Variants in PKIB observed in about 807,000 individuals in gnomAD.
The protein encoded by PKIB is cAMP-dependent protein kinase inhibitor beta.
A neutral mutation model predicts 4.5 loss-of-function variants in PKIB; 2 were observed. That is an observed-to-expected ratio of 0.44 (90% CI 0.18 to 1.39). The LOEUF (loss-of-function observed/expected upper bound fraction) is 1.39, where lower values mean the gene tolerates loss of function less well. PKIB is among the 40% of genes most tolerant of loss of function. The pLI, the probability that PKIB is intolerant of heterozygous loss-of-function variation, is 0.27. For missense variants in PKIB, 94 were observed against 92.6 expected (o/e 1.02, Z -0.06); for synonymous variants, 38 against 36.0 (o/e 1.06, Z -0.20).
intron 2 of PKIB, among the ~76,000 whole-genome samples, chr6:122,647,477 C>A (rs1041347044): frequency 1.1e-4 from 16 of 152,114 alleles, no homozygotes; most frequent in African/African-American, 3.4e-4. Flanking sequence ...TATTTAATCT[C>A]AAAATAAAGA....
At chr6:122,702,762 GT>G (rs1562310658) in intron 3 of PKIB, among the ~76,000 whole-genome samples, 3 of 152,086 alleles carry the variant, frequency 2.0e-5, no homozygotes, top group Non-Finnish European at 4.4e-5. Flanking sequence ...GGAATTTTTC[GT>G]AGAGAATTTT....
intron 3 of PKIB, among the ~76,000 whole-genome samples, chr6:122,682,463 A>C (rs1582807820): frequency 6.6e-6 from 1 of 152,322 alleles, no homozygotes; most frequent in South Asian, 2.1e-4. Flanking sequence ...TAAAGTATTT[A>C]ATTCACAAAA....
chr6:122,536,370 AT>A (rs1465329392), intron 2 of PKIB, among the ~76,000 whole-genome samples: 2 of 152,222 alleles, frequency 1.3e-5, no homozygotes, highest in African/African-American at 2.4e-5. Context: ...ATAATTGGTA[AT>A]CAGCTCTAAT....
intron 3 of PKIB, among the ~76,000 whole-genome samples, chr6:122,708,186 A>G (rs2115046088): frequency 6.6e-6 from 1 of 152,290 alleles, no homozygotes; most frequent in East Asian, 1.9e-4. Flanking sequence ...AGTAAGTGCT[A>G]AGAGAAAGTA....
At chr6:122,724,805 T>C (rs929185233) in intron 4 of PKIB, among the ~76,000 whole-genome samples, 2 of 152,180 alleles carry the variant, frequency 1.3e-5, no homozygotes, top group Non-Finnish European at 2.9e-5. Flanking sequence ...CAAGCTCAAG[T>C]TGTGACTGTC....
Position 122,537,697 on chromosome 6 carries a change from A to T in PKIB, c.-247-48224A>T, listed in dbSNP as rs118185342. Among the ~76,000 whole-genome samples, 335 of 152,258 alleles carry T rather than the reference A, an allele frequency of 2.2e-3. 8 individuals are homozygous for T. In the East Asian group the frequency reaches 0.044, roughly 20 times the overall value. On this transcript the variant is annotated intron_variant, in intron 2 of 6. Transcript: ENST00000392491. ...ATAATCCTTTGGGTATATACCCGTA[A>T]GGGGATGGCTGGGTCAAAGGGTATT...
intron 2 of PKIB, among the ~76,000 whole-genome samples, chr6:122,666,078 A>T (rs1024846628): frequency 6.6e-6 from 1 of 152,180 alleles, no homozygotes; most frequent in Admixed American, 6.5e-5. Context: ...TCATATAGCT[A>T]TTATGTTCTA....
intron 2 of PKIB, among the ~76,000 whole-genome samples, chr6:122,552,167 G>A (rs1293144318): frequency 6.6e-6 from 1 of 152,082 alleles, no homozygotes; most frequent in African/African-American, 2.4e-5. Context: ...GAGATACACC[G>A]CAGAAGGAAG....
chr6:122,510,016 G>C (rs947068421), intron 2 of PKIB, among the ~76,000 whole-genome samples: 2 of 150,248 alleles, frequency 1.3e-5, no homozygotes, highest in African/African-American at 5.0e-5. Context: ...ATTAGATATA[G>C]TATAAGTAGG....
intron 1 of PKIB, among the ~76,000 whole-genome samples, chr6:122,612,572 T>C (rs779030170): frequency 8.5e-5 from 13 of 152,204 alleles, no homozygotes; most frequent in Non-Finnish European, 1.5e-4. Flanking sequence ...TTATGGCTTC[T>C]CTTACTTAGC....
At chr6:122,573,521 C>CA (rs61014475) in intron 2 of PKIB, among the ~76,000 whole-genome samples, 1,414 of 87,132 alleles carry the variant, frequency 0.016, 18 homozygotes, top group South Asian at 0.049. Context: ...GACTCTGTCT[C>CA]AAAAAAAAAA....
intron 3 of PKIB, among the ~76,000 whole-genome samples, chr6:122,697,428 G>A (rs1354663421): frequency 6.6e-6 from 1 of 151,632 alleles, no homozygotes; most frequent in Admixed American, 6.6e-5. Flanking sequence ...ATTAGGAGAT[G>A]TGCCTTCCTA....
At chr6:122,658,893 C>G (rs111864214) in intron 2 of PKIB, among the ~76,000 whole-genome samples, 131 of 137,142 alleles carry the variant, frequency 9.6e-4, no homozygotes, top group African/African-American at 3.7e-3. Flanking sequence ...ATCTGCCAGG[C>G]ACTCCTCTAG....
intron 2 of PKIB, among the ~76,000 whole-genome samples, chr6:122,638,963 G>A (rs1015556624): frequency 2.6e-5 from 4 of 151,846 alleles, no homozygotes; most frequent in African/African-American, 9.7e-5. Flanking sequence ...TTTTAAACAT[G>A]TATCTTTATT....
At chr6:122,596,638 C>G (rs1048658918) in intron 3 of PKIB, among the ~76,000 whole-genome samples, 1 of 152,176 alleles carries the variant, frequency 6.6e-6, no homozygotes, top group Non-Finnish European at 1.5e-5. Context: ...AGCTCTCTCT[C>G]AAAAGGAGAC....
chr6:122,674,769 G>C (rs1777605661), intron 2 of PKIB, among the ~76,000 whole-genome samples: 1 of 151,994 alleles, frequency 6.6e-6, no homozygotes, highest in South Asian at 2.1e-4. Context: ...GTAATGATCA[G>C]TTGTTTTTAC....
intron 2 of PKIB, among the ~76,000 whole-genome samples, chr6:122,486,319 T>C (rs1775766160): frequency 6.6e-6 from 1 of 152,184 alleles, no homozygotes; most frequent in African/African-American, 2.4e-5. Context: ...TATTGTTATC[T>C]TTCTTTCAGA....
chr6:122,540,634 G>T (rs1390484724), intron 2 of PKIB, among the ~76,000 whole-genome samples: 1 of 151,896 alleles, frequency 6.6e-6, no homozygotes, highest in Non-Finnish European at 1.5e-5. Context: ...GTGTGGTGTG[G>T]TGCTGAAAAA....
chr6:122,656,671 G>C (rs1776788189), intron 2 of PKIB, among the ~76,000 whole-genome samples: 1 of 152,166 alleles, frequency 6.6e-6, no homozygotes, highest in Non-Finnish European at 1.5e-5. Context: ...GTTGATGGGG[G>C]TGTCAGGTGT....
Sources: allele counts gnomAD v4.1 joint callset (sites outside exome capture counted in the v4.1 genomes callset), GRCh38; gene constraint gnomAD v4.1.1; transcripts MANE v1.5; gene names NCBI Gene and HGNC (gene_info 2026-07-23, HGNC 2026-07-21).